Variants in TSBP1 observed in about 807,000 individuals in gnomAD.
TSBP1 encodes testis expressed basic protein 1.
A neutral mutation model predicts 68.8 loss-of-function variants in TSBP1; 56 were observed. The ratio of observed to expected loss-of-function variants is 0.81; its 90% CI spans 0.66 to 1.02. The LOEUF is 1.02. Among genes scored for constraint, TSBP1 ranks in the 50% least tolerant of loss-of-function variants. The probability of loss-of-function intolerance (pLI) is 0.00; values close to 1 mark genes in which losing one functional copy is unlikely to be tolerated. For missense variants in TSBP1, 502 were observed against 641.2 expected (o/e 0.78, Z 2.34); for synonymous variants, 171 against 208.7 (o/e 0.82, Z 1.56).
At chr6:32,309,532 A>T (rs1279356129) in intron 19 of TSBP1, among the ~76,000 whole-genome samples, 1 of 151,966 alleles carries the variant, frequency 6.6e-6, no homozygotes, top group Non-Finnish European at 1.5e-5. Context: ...ATTGTATCTT[A>T]TGGGTTTATA....
chr6:32,321,349 C>T lies in TSBP1; in HGVS notation c.559+1768G>A, dbSNP rs1767615880. ...ATATCTATTGGGTCTTGGATTTTTA[C>T]ATCTTTTTCCTGCCCATACTCTCTG... On this transcript the variant is annotated intron_variant, in intron 18 of 22. Coordinates refer to ENST00000612031, the Ensembl canonical transcript of TSBP1. The surrounding 1 kb of genome is among the most constrained non-coding windows in gnomAD (Gnocchi z 4.3). 6.6e-6 allele frequency among the ~76,000 whole-genome samples: 1 copy of T among 152,068 alleles called. No homozygotes were observed. Among genetic ancestry groups the T allele is most frequent in the South Asian group, 2.1e-4 (1 of 4,830 alleles).
Position 32,302,725 on chromosome 6 carries a change from G to T in TSBP1, c.581-96C>A. 1.2e-6 allele frequency: 1 copy of T among 809,454 alleles called. No homozygotes were observed. Among genetic ancestry groups the T allele is most frequent in the South Asian group, 1.7e-5 (1 of 59,028 alleles). The allele number at this position is 809,454 out of a possible 1,614,324, so 50.1% of individuals were successfully genotyped here. ...CCAATTCCCTAGTTGTTTTTTCTAG[G>T]GTACCATAAAGACTTCTAGCAGAAT... is the stretch of plus-strand genomic sequence containing the variant. On this transcript the variant is annotated intron_variant, in intron 19 of 22. Transcript: ENST00000612031. The surrounding 1 kb of genome is among the most constrained non-coding windows in gnomAD (Gnocchi z 5.1).
chr6:32,354,257 T>C (rs989160835), intron 8 of TSBP1, among the ~76,000 whole-genome samples: 1 of 151,966 alleles, frequency 6.6e-6, no homozygotes, highest in African/African-American at 2.4e-5. Context: ...AACTAATAGA[T>C]AAATGGGTAA....
intron 22 of TSBP1, 68 bp from the exon 26 acceptor site, chr6:32,294,103 C>T (rs759033887): frequency 1.3e-6 from 2 of 1,581,900 alleles, no homozygotes; most frequent in East Asian, 2.2e-5. Context: ...TTTTTTTCCC[C>T]TTGATACTGG....
intron 6 of TSBP1, 159 bp from the exon 7 acceptor site, chr6:32,355,828 G>A: frequency 1.1e-6 from 1 of 900,028 alleles, no homozygotes; most frequent in Non-Finnish European, 1.5e-6. Flanking sequence ...TAAGTTTAAT[G>A]ACATTAAAAA....
exon 1 of TSBP1, chr6:32,371,776 A>G (rs371384024): frequency 6.3e-7 from 1 of 1,597,434 alleles, no homozygotes; most frequent in Non-Finnish European, 8.6e-7. Flanking sequence ...TCAAGGTAAA[A>G]CGAAAAACTC....
At chr6:32,298,151 CTT>C (rs1284038765) in intron 22 of TSBP1, among the ~76,000 whole-genome samples, 2 of 147,946 alleles carry the variant, frequency 1.4e-5, no homozygotes, top group Non-Finnish European at 3.0e-5. Context: ...CAGAGCCCAC[CTT>C]TTTTTTTTGT....
At position 32,333,806 on chromosome 6, in the gene TSBP1, A is replaced by C. The variant is rs1238592428; in HGVS notation, c.472+1631T>G. ...ATTGCAGTTAATAATCCTTCACTTC[A>C]GTGTCACTCAGAATGAGAAATATCC... is the stretch of plus-strand genomic sequence containing the variant. On this transcript the variant is annotated intron_variant, in intron 14 of 22. Transcript: ENST00000612031. This position sits in a 1 kb window ranked among gnomAD's most constrained non-coding sequence, Gnocchi z 4.2. Among the ~76,000 whole-genome samples, 6 of 151,236 alleles carry C rather than the reference A, an allele frequency of 4.0e-5. No individual in the cohort carries two copies. Among genetic ancestry groups the C allele is most frequent in the African/African-American group, 1.5e-4 (6 of 40,522 alleles).
At chr6:32,323,596 G>A (rs1422728029) in exon 17 of TSBP1, 1 of 1,612,056 alleles carries the variant, frequency 6.2e-7, no homozygotes, top group Non-Finnish European at 8.5e-7. Flanking sequence ...CTTACCGCGG[G>A]GTGCTGAAGG....
Position 32,336,451 on chromosome 6 carries a change from C to T in TSBP1, c.430+164G>A, listed in dbSNP as rs1769683508. ...GTTAAAAAAGCAAGTCACCCCTAAA[C>T]CTCAGCATCACACAATATACCCATT... On this transcript the variant is annotated intron_variant, in intron 12 of 22. Coordinates refer to ENST00000612031, the Ensembl canonical transcript of TSBP1. This position sits in a 1 kb window ranked among gnomAD's most constrained non-coding sequence, Gnocchi z 5.2. 6.6e-6 allele frequency among the ~76,000 whole-genome samples: 1 copy of T among 152,180 alleles called. No individual in the cohort carries two copies. The highest frequency in any genetic ancestry group is 1.5e-5 in the Non-Finnish European group (1 of 68,036).
rs369541339 is a variant in TSBP1 at position 32,367,881 on chromosome 6, G to A, written c.166+44C>T. 72 of 1,430,354 alleles carry A rather than the reference G, an allele frequency of 5.0e-5. 1 individual carries two copies. In the African/African-American group the frequency reaches 9.6e-4, roughly 19 times the overall value. The allele number at this position is 1,430,354 out of a possible 1,614,324, so 88.6% of individuals were successfully genotyped here. ...GATGAGTTGATTCACACTCTAAAGA[G>A]TATATTCCTTCATTAACTGTCTAGT... On this transcript the variant is annotated intron_variant, in intron 4 of 22. Transcript: ENST00000612031.
At chr6:32,300,782 A>G in intron 20 of TSBP1, 82 bp from the exon 24 acceptor site, 3 of 1,094,286 alleles carry the variant, frequency 2.7e-6, no homozygotes, top group Non-Finnish European at 4.2e-6. Context: ...ATTGAGTGGG[A>G]TCTGTGTCAT....
intron 22 of TSBP1, among the ~76,000 whole-genome samples, chr6:32,296,190 G>A (rs879908929): frequency 1.2e-4 from 18 of 152,064 alleles, no homozygotes; most frequent in African/African-American, 2.9e-4. Flanking sequence ...TGGACTTTTC[G>A]TTTTTTACAT....
At chr6:32,368,537 G>GGA (rs1774020693) in intron 3 of TSBP1, among the ~76,000 whole-genome samples, 1 of 152,122 alleles carries the variant, frequency 6.6e-6, no homozygotes. Flanking sequence ...GCATCTGAAG[G>GGA]GAGCCTCAGA....
chr6:32,313,912 G>A (rs779465838), intron 19 of TSBP1, among the ~76,000 whole-genome samples: 2 of 152,146 alleles, frequency 1.3e-5, no homozygotes. Context: ...GGGAGGCAGC[G>A]TGTTTTCTGC....
intron 4 of TSBP1, among the ~76,000 whole-genome samples, chr6:32,367,194 G>T (rs1773838698): frequency 6.6e-6 from 1 of 151,178 alleles, no homozygotes; most frequent in Non-Finnish European, 1.5e-5. Context: ...AGTGGTTCTT[G>T]TTGAGTTCTG....
At chr6:32,350,221 G>T (rs1771570015) in intron 8 of TSBP1, 5 of 459,478 alleles carry the variant, frequency 1.1e-5, no homozygotes, top group Admixed American at 9.4e-5. Context: ...CTTCAACAGG[G>T]GTTTCCACTT....
At chr6:32,320,102 CT>C (rs1767450553) in intron 18 of TSBP1, 1 of 454,484 alleles carries the variant, frequency 2.2e-6, no homozygotes, top group Admixed American at 2.4e-5. Flanking sequence ...GATTTCATAA[CT>C]TTTAGTAGTT....
intron 16 of TSBP1, chr6:32,324,519 A>G (rs1449480245): frequency 1.9e-6 from 2 of 1,063,992 alleles, no homozygotes; most frequent in Non-Finnish European, 2.8e-6. Flanking sequence ...TAATGCAGAG[A>G]GGTTTTGATA....
Sources: gnomAD v4.1 joint callset for allele counts (sites outside exome capture counted in the v4.1 genomes callset) on GRCh38, gnomAD v4.1.1 for gene constraint, Gnocchi (gnomAD v3.1) non-coding constraint, MANE v1.5 for transcripts, NCBI Gene and HGNC (gene_info 2026-07-23, HGNC 2026-07-21) for gene names.